The following POMZP3 variants were observed in gnomAD, a reference collection of about 807,000 sequenced individuals.
POMZP3 encodes the protein POM121 and ZP3 fusion.
In POMZP3, 10 loss-of-function variants were observed where a neutral mutation model predicts 19.8. The observed-to-expected ratio is 0.51, with a 90% CI of 0.31 to 0.86. The LOEUF is 0.86. Ranked by LOEUF, POMZP3 falls within the 40% of genes least tolerant of loss-of-function variation. The pLI, the probability that POMZP3 is intolerant of heterozygous loss-of-function variation, is 0.04. For synonymous variants in POMZP3, 57 were observed against 85.8 expected (o/e 0.66, Z 1.85); for missense variants, 152 against 228.1 (o/e 0.67, Z 2.15).
At chr7:76,625,245 C>T (rs1241145273) in intron 3 of POMZP3, among the ~76,000 whole-genome samples, 2 of 148,912 alleles carry the variant, frequency 1.3e-5, no homozygotes, top group Non-Finnish European at 3.0e-5. Flanking sequence ...AAACTTTTAA[C>T]ACGTTTCTAC....
chr7:76,627,201 C>G lies in POMZP3; in HGVS notation c.-645G>C. 1 of 1,436,486 alleles carries G rather than the reference C, an allele frequency of 7.0e-7. No individual in the cohort carries two copies. The highest frequency in any genetic ancestry group is 9.2e-7 in the Non-Finnish European group (1 of 1,083,842). 89.0% of individuals were successfully genotyped at this position (1,436,486 alleles called of 1,614,324 possible). A position where few individuals can be genotyped will look rare whatever the true frequency, so the allele number is the denominator to read the frequency against. ...CCGCCCCGGCCGGCCCTGACACTCG[C>G]TATCGGCCGCCGCCGCTCGCCTGCT... On this transcript the variant is annotated 5_prime_UTR_variant, in exon 1 of 7. Transcript: ENST00000310842.
intron 3 of POMZP3, chr7:76,618,535 C>T (rs796204072): frequency 3.1e-5 from 17 of 555,150 alleles, no homozygotes; most frequent in Admixed American, 2.6e-4. Flanking sequence ...GCAGGAGAAT[C>T]GCTTGAATCT....
At chr7:76,623,347 A>AG (rs1466167974) in intron 3 of POMZP3, among the ~76,000 whole-genome samples, 2 of 151,772 alleles carry the variant, frequency 1.3e-5, no homozygotes, top group East Asian at 3.9e-4. Context: ...TTTAGCAACA[A>AG]GGAAGTAGGC....
chr7:76,621,569 G>C (rs1018176320), intron 3 of POMZP3, among the ~76,000 whole-genome samples: 18 of 151,840 alleles, frequency 1.2e-4, no homozygotes, highest in East Asian at 1.9e-4. Flanking sequence ...TTCCCAGATG[G>C]TTAAGGCATT....
Position 76,617,068 on chromosome 7 carries a change from G to A in POMZP3, c.345+1115C>T, listed in dbSNP as rs1259705531. The stretch of plus-strand genomic sequence containing the variant: ...CCAGCTACTTGGGAGACTGAGGCAG[G>A]AGAATCACTTGAACCTGGGAACCTG... On this transcript the variant is annotated intron_variant, in intron 4 of 6. Transcript: ENST00000310842. Among the ~76,000 whole-genome samples the A allele has an allele frequency of 8.2e-5, 8 of 97,152 alleles. 3 individuals carry two copies. The East Asian group carries it at 2.1e-3, about 25-fold the overall frequency. 63.7% of individuals were successfully genotyped at this position (97,152 alleles called of 152,430 possible). A position where few individuals can be genotyped will look rare whatever the true frequency, so the allele number is the denominator to read the frequency against.
In POMZP3 at chr7:76,625,932, T is replaced by C. The variant is rs1343821669; in HGVS notation, c.65+68A>G. 1.5e-5 allele frequency: 24 copies of C among 1,600,386 alleles called. No individual in the cohort carries two copies. In the East Asian group the frequency reaches 2.2e-4, roughly 15 times the overall value. ...TTTTTGCGTTGTAGTCATGTTGTCA[T>C]AGGAACAACTGGAGAAGAATAAAGT... On this transcript the variant is annotated intron_variant, in intron 2 of 6. Coordinates refer to ENST00000310842, the MANE Select transcript of POMZP3 (RefSeq NM_012230.5).
rs1481211908 is a variant in POMZP3 at position 76,614,529 on chromosome 7, T to C, written c.346-2716A>G. Among the ~76,000 whole-genome samples the C allele has an allele frequency of 8.7e-5, 6 of 69,018 alleles. No homozygotes were observed. In the South Asian group the frequency reaches 2.2e-3, roughly 25 times the overall value. The allele number at this position is 69,018 out of a possible 152,430, so 45.3% of individuals were successfully genotyped here. ...GAGCTGAGATTACGCCATTGCACTC[T>C]AGCCTGGGCAACAAGAGTGACACTC... On this transcript the variant is annotated intron_variant, in intron 4 of 6. Transcript: ENST00000310842.
chr7:76,626,010 G>A lies in POMZP3; in HGVS notation c.55C>T (p.Arg19Cys), dbSNP rs1290816211. The A allele has an allele frequency of 2.5e-6, 4 of 1,613,704 alleles. No homozygotes were observed. The highest frequency in any genetic ancestry group is 1.3e-5 in the African/African-American group (1 of 74,904). ...RIAPPDRRFS[R>C]SAIPEQIISS... is the part of the protein sequence containing the mutation. Reference sequence around the variant, plus strand: ...AACGATAATACTCACATCGCAGAACGCGAAAATCTTCTGTCAGGAGGGGCG... The same window carrying A: ...AACGATAATACTCACATCGCAGAACACGAAAATCTTCTGTCAGGAGGGGCG... The change falls in exon 2 of 7, where the codon CGT becomes TGT. Residue 19 changes from arginine (R) to cysteine (C), a missense_variant. This residue lies in a region of POMZP3 where 70 missense variants were observed against 64.1 expected (regional missense o/e 1.09). Transcript: ENST00000310842.
chr7:76,625,869 T>C, intron 2 of POMZP3, 131 bp downstream of exon 2: 1 of 1,413,696 alleles, frequency 7.1e-7, no homozygotes, highest in East Asian at 2.5e-5. Flanking sequence ...TACTAGAATT[T>C]GGTATTTCTC....
Position 76,627,000 on chromosome 7 carries a change from G to T in POMZP3, c.-444C>A, listed in dbSNP as rs1815943777. On this transcript the variant is annotated 5_prime_UTR_variant, in exon 1 of 7. Coordinates refer to ENST00000310842, the MANE Select transcript of POMZP3 (RefSeq NM_012230.5). ...CTGTCGACTTGGCCGGAGGCGAAGC[G>T]AACAGTGTTCGCCGATGTCGCGCCT... 6 of 1,358,482 alleles carry T rather than the reference G, an allele frequency of 4.4e-6. No homozygotes were observed. The highest frequency in any genetic ancestry group is 1.5e-5 in the South Asian group (1 of 66,336). 84.2% of individuals were successfully genotyped at this position (1,358,482 alleles called of 1,614,324 possible).
intron 3 of POMZP3, among the ~76,000 whole-genome samples, chr7:76,625,114 C>G (rs1244115688): frequency 1.0e-5 from 1 of 97,954 alleles, no homozygotes; most frequent in East Asian, 3.1e-4. Flanking sequence ...GCCTGGGGGA[C>G]AGAGACAGAC....
chr7:76,625,862 T>G, intron 2 of POMZP3, 138 bp downstream of exon 2: 1 of 1,384,614 alleles, frequency 7.2e-7, no homozygotes, highest in Non-Finnish European at 9.8e-7. Context: ...ACGGTTTTAC[T>G]AGAATTTGGT....
At chr7:76,624,653 C>T (rs1184599926) in intron 3 of POMZP3, among the ~76,000 whole-genome samples, 4 of 147,198 alleles carry the variant, frequency 2.7e-5, no homozygotes, top group Admixed American at 6.8e-5. Context: ...ACCATGTTGG[C>T]CAGGCTGGTC....
intron 6 of POMZP3, among the ~76,000 whole-genome samples, chr7:76,611,129 C>T (rs1815073309): frequency 6.9e-6 from 1 of 144,412 alleles, no homozygotes; most frequent in South Asian, 2.3e-4. Context: ...CCGCCTTGGC[C>T]TCCCAAAGTG....
In POMZP3 at chr7:76,625,697, C is replaced by G; in HGVS notation, c.66-14G>C. 1.9e-6 allele frequency: 3 copies of G among 1,611,884 alleles called. No individual in the cohort carries two copies. The highest frequency in any genetic ancestry group is 4.5e-5 in the East Asian group (2 of 44,856). ...ATCTGCTCTGGTCTATAATGAAAGA[C>G]AGGATTCTAGCAGTAAGATATTTTA... On this transcript the variant is annotated splice_polypyrimidine_tract_variant and intron_variant, in intron 2 of 6. Transcript: ENST00000310842.
chr7:76,619,404 AAAAT>A (rs1451123899), intron 3 of POMZP3, among the ~76,000 whole-genome samples: 1 of 151,242 alleles, frequency 6.6e-6, no homozygotes, highest in East Asian at 2.0e-4. Flanking sequence ...AAAATAAAAT[AAAAT>A]AAAATAGGGC....
Position 76,611,505 on chromosome 7 carries a change from G to A in POMZP3, c.524C>T (p.Pro175Leu). ...CGTPSHSRRQPRVVSQWSTSA... is the reference protein window; with the variant it reads ...CGTPSHSRRQLRVVSQWSTSA... Reference sequence around the variant, plus strand: ...CGTGGACCACTGGCTCACGACACGAGGCTGCCTCCTGGAATGGCTTGGAGT... The same window carrying A: ...CGTGGACCACTGGCTCACGACACGAAGCTGCCTCCTGGAATGGCTTGGAGT... Residue 175 changes from proline (P) to leucine (L), a missense_variant, in exon 6 of 7, where the codon CCT (proline) becomes CTT (leucine). By Grantham distance (98) the Pro-to-Leu change is moderately conservative. Around this residue, in one of 4 missense-constraint regions of POMZP3, gnomAD observed 65 missense variants for 86.2 expected, o/e 0.75. Transcript: ENST00000310842. The A allele has an allele frequency of 1.2e-6, 2 of 1,605,096 alleles. No homozygotes were observed. The highest frequency in any genetic ancestry group is 1.3e-5 in the African/African-American group (1 of 74,548).
Position 76,622,374 on chromosome 7 carries a change from GTT to G in POMZP3, c.227+3146_227+3147del, listed in dbSNP as rs757086256. Among the ~76,000 whole-genome samples the G allele has an allele frequency of 6.0e-3, 373 of 62,580 alleles. 1 individual carries two copies. Among genetic ancestry groups the G allele is most frequent in the South Asian group, 0.013 (23 of 1,788 alleles). 41.1% of individuals were successfully genotyped at this position (62,580 alleles called of 152,430 possible). On this transcript the variant is annotated intron_variant, in intron 3 of 6. Transcript: ENST00000310842. ...TTTCCTGTAACACTATCATTCTCAA[GTT>G]TTTTTTTTTTTTTTTTTTTTGAGAT...
Position 76,616,711 on chromosome 7 carries a change from CG to C in POMZP3, c.345+1471del, listed in dbSNP as rs1343908343. On this transcript the variant is annotated intron_variant, in intron 4 of 6. Coordinates refer to ENST00000310842, the MANE Select transcript of POMZP3 (RefSeq NM_012230.5). ...CTCTAGTAAGAATACAAAAGTTAGCCGGGTGTGGTGGCAGGCACCTGTAATT... is the reference window on the plus strand; with the variant it reads ...CTCTAGTAAGAATACAAAAGTTAGCCGGTGTGGTGGCAGGCACCTGTAATT... Among the ~76,000 whole-genome samples the C allele has an allele frequency of 5.3e-5, 5 of 95,202 alleles. 2 individuals are homozygous for C. Among genetic ancestry groups the C allele is most frequent in the Admixed American group, 2.1e-4 (2 of 9,750 alleles). 62.5% of individuals were successfully genotyped at this position (95,202 alleles called of 152,430 possible).
Sources: gnomAD v4.1 joint callset for allele counts (sites outside exome capture counted in the v4.1 genomes callset) on GRCh38, gnomAD v4.1.1 for gene constraint, gnomAD v4.1.1 regional missense constraint, MANE v1.5 for transcripts, NCBI Gene and HGNC (gene_info 2026-07-23, HGNC 2026-07-21) for gene names.